VAV1: variants seen among roughly 807,000 people sequenced by gnomAD.
VAV1 encodes the protein vav guanine nucleotide exchange factor 1.
A neutral mutation model predicts 128.1 loss-of-function variants in VAV1; 33 were observed. The ratio of observed to expected loss-of-function variants is 0.26; its 90% CI spans 0.20 to 0.34. VAV1 has a LOEUF of 0.34. Among genes scored for constraint, VAV1 ranks in the 10% least tolerant of loss-of-function variants. The probability of loss-of-function intolerance (pLI) is 1.00; values close to 1 mark genes in which losing one functional copy is unlikely to be tolerated. For synonymous variants in VAV1, 394 were observed against 409.8 expected, an observed-to-expected ratio of 0.96 and a Z score of 0.47; for missense variants, 715 against 1,093.7, an observed-to-expected ratio of 0.65 and a Z score of 4.88.
At chr19:6,814,674 T>C (rs971770977) in intron 1 of VAV1, among the ~76,000 whole-genome samples, 7 of 95,234 alleles carry the variant, frequency 7.4e-5, no homozygotes, top group East Asian at 5.8e-4. Context: ...CTTCCTTCCT[T>C]TCTTTCTTTC....
chr19:6,821,831 A>G lies in VAV1; in HGVS notation c.421A>G (p.Ile141Val). 6.2e-7 allele frequency: 1 copy of G among 1,614,150 alleles called. No individual in the cohort carries two copies. The highest frequency in any genetic ancestry group is 8.5e-7 in the Non-Finnish European group (1 of 1,180,018). ...TEEESVGDED[I>V]YSGLSDQIDD... Reference sequence around the variant, plus strand: ...GGAGGAGAGTGTAGGTGATGAAGACATCTACAGTGGCCTGTCCGACCAGAT... The same window carrying G: ...GGAGGAGAGTGTAGGTGATGAAGACGTCTACAGTGGCCTGTCCGACCAGAT... The change falls in exon 4 of 27, where the codon ATC (isoleucine) becomes GTC (valine). Residue 141 changes from isoleucine (I) to valine (V), a missense_variant. Physicochemically the swap from Ile to Val is conservative, Grantham distance 29. Transcript: ENST00000602142.
chr19:6,801,770 C>T (rs1752912961), intron 1 of VAV1, among the ~76,000 whole-genome samples: 1 of 152,184 alleles, frequency 6.6e-6, no homozygotes, highest in South Asian at 2.1e-4. Flanking sequence ...CCCCAGAGGC[C>T]TCTGTCCCTG....
At chr19:6,821,715 C>T (rs1971789353) in intron 3 of VAV1, 35 bp downstream of exon 3, 1 of 1,614,078 alleles carries the variant, frequency 6.2e-7, no homozygotes, top group Non-Finnish European at 8.5e-7. Flanking sequence ...CCATTTAGCC[C>T]CAGTCCTCCC....
Position 6,820,763 on chromosome 19 carries a change from A to G in VAV1, c.266A>G (p.Lys89Arg), listed in dbSNP as rs1181866661. The change falls in exon 2 of 27, where the codon AAG (lysine) becomes AGG (arginine). Residue 89 changes from lysine to arginine, a missense_variant. Lys to Arg is a conservative substitution (Grantham distance 26). Transcript: ENST00000602142. This position sits in a 1 kb window ranked among gnomAD's most constrained non-coding sequence, Gnocchi z 4.4. ...LSTCCEKFGL[K>R]RSELFEAFDL... Reference sequence around the variant, plus strand: ...ACCTGCTGTGAGAAGTTCGGCCTCAAGCGGAGCGAGCTCTTCGAAGCCTTT... The same window carrying G: ...ACCTGCTGTGAGAAGTTCGGCCTCAGGCGGAGCGAGCTCTTCGAAGCCTTT... 1 of 1,614,088 alleles carries G rather than the reference A, an allele frequency of 6.2e-7. No homozygotes were observed. Among genetic ancestry groups the G allele is most frequent in the Non-Finnish European group, 8.5e-7 (1 of 1,180,044 alleles).
At chr19:6,814,945 A>AT (rs1026506945) in intron 1 of VAV1, among the ~76,000 whole-genome samples, 4 of 151,120 alleles carry the variant, frequency 2.6e-5, no homozygotes, top group African/African-American at 4.9e-5. Context: ...TTGCCAAGAG[A>AT]TTTTTTTCCC....
chr19:6,802,460 G>A (rs1971296650), intron 1 of VAV1, among the ~76,000 whole-genome samples: 1 of 152,086 alleles, frequency 6.6e-6, no homozygotes, highest in African/African-American at 2.4e-5. Context: ...GTCTGATGGA[G>A]CCCCTTTCTT....
chr19:6,830,982 C>T (rs1001315034), intron 14 of VAV1, among the ~76,000 whole-genome samples: 1 of 152,050 alleles, frequency 6.6e-6, no homozygotes, highest in African/African-American at 2.4e-5. Flanking sequence ...GCCCTAGCTA[C>T]ATGGGAGGCT....
chr19:6,845,360 G>A (rs1972495119), intron 22 of VAV1, among the ~76,000 whole-genome samples: 1 of 152,046 alleles, frequency 6.6e-6, no homozygotes, highest in Non-Finnish European at 1.5e-5. Flanking sequence ...ACTCCAGCCT[G>A]GGCAACAGAG....
chr19:6,852,504 G>C (rs927809099), intron 24 of VAV1, among the ~76,000 whole-genome samples: 1 of 152,072 alleles, frequency 6.6e-6, no homozygotes, highest in Non-Finnish European at 1.5e-5. Flanking sequence ...GGCGGATCAC[G>C]AGGTCAGGAG....
At chr19:6,806,859 A>G (rs1432497871) in intron 1 of VAV1, among the ~76,000 whole-genome samples, 2 of 152,208 alleles carry the variant, frequency 1.3e-5, no homozygotes, top group Non-Finnish European at 2.9e-5. Context: ...TCTTTCCACC[A>G]TCCCTCATTG....
chr19:6,850,612 C>T, intron 23 of VAV1, 58 bp from the exon 24 acceptor site: 9 of 1,558,632 alleles, frequency 5.8e-6, no homozygotes, highest in Non-Finnish European at 8.0e-6. Context: ...ATAACTGGGG[C>T]TTGGTGGGGA....
In VAV1 at chr19:6,854,155, C is replaced by T. The variant is rs919570238; in HGVS notation, c.2484+57C>T. 21 of 1,589,558 alleles carry T rather than the reference C, an allele frequency of 1.3e-5. No homozygotes were observed. The East Asian group carries it at 2.0e-4, about 15-fold the overall frequency. On this transcript the variant is annotated intron_variant, in intron 26 of 26. Transcript: ENST00000602142. ...GCATGGGGGTTGAGCTGGTGGTGGA[C>T]GAGACTGGAACTGGGGACTGGAGAA...
chr19:6,831,568 T>G (rs1972056098), intron 14 of VAV1, among the ~76,000 whole-genome samples: 1 of 152,154 alleles, frequency 6.6e-6, no homozygotes, highest in Non-Finnish European at 1.5e-5. Flanking sequence ...CACCTCAGCC[T>G]CCCAAAATGC....
At chr19:6,799,419 C>T (rs771846103) in intron 1 of VAV1, among the ~76,000 whole-genome samples, 2 of 152,150 alleles carry the variant, frequency 1.3e-5, no homozygotes, top group Non-Finnish European at 2.9e-5. Flanking sequence ...CTGCCCACCT[C>T]GGCCTCCCAA....
chr19:6,840,701 C>T (rs969512482), intron 21 of VAV1, among the ~76,000 whole-genome samples: 2 of 148,322 alleles, frequency 1.3e-5, no homozygotes, highest in Non-Finnish European at 3.0e-5. Flanking sequence ...ACCCCCTAAG[C>T]TTAAGTGATC....
chr19:6,787,401 C>G (rs978374218), intron 1 of VAV1, among the ~76,000 whole-genome samples: 47 of 152,064 alleles, frequency 3.1e-4, no homozygotes, highest in African/African-American at 1.0e-3. Flanking sequence ...GTCTTGAACT[C>G]CTGACCTCAA....
intron 1 of VAV1, among the ~76,000 whole-genome samples, chr19:6,800,652 C>T (rs527578007): frequency 7.0e-6 from 1 of 142,256 alleles, no homozygotes; most frequent in Admixed American, 7.2e-5. Flanking sequence ...TTTGAGACAT[C>T]CTCGGTCTGT....
chr19:6,814,712 C>CTTTCTTTCTT (rs2144756240), intron 1 of VAV1, among the ~76,000 whole-genome samples: 1 of 133,086 alleles, frequency 7.5e-6, no homozygotes, highest in South Asian at 2.3e-4. Flanking sequence ...TTCTTTCTTT[C>CTTTCTTTCTT]TTTCTTTCTT....
At chr19:6,799,199 G>C (rs990041148) in intron 1 of VAV1, among the ~76,000 whole-genome samples, 1 of 151,828 alleles carries the variant, frequency 6.6e-6, no homozygotes, top group Non-Finnish European at 1.5e-5. Context: ...ATGGAGTCTC[G>C]CTCTGTCGCC....
Sources: gnomAD v4.1 joint callset for allele counts (sites outside exome capture counted in the v4.1 genomes callset) on GRCh38, gnomAD v4.1.1 for gene constraint, Gnocchi (gnomAD v3.1) non-coding constraint, MANE v1.5 for transcripts, NCBI Gene and HGNC (gene_info 2026-07-23, HGNC 2026-07-21) for gene names.